The following CNNM2 variants were observed in gnomAD, a reference collection of about 807,000 sequenced individuals.
The protein encoded by CNNM2 is metal transporter CNNM2.
A neutral mutation model predicts 66.9 loss-of-function variants in CNNM2; 12 were observed. The ratio of observed to expected loss-of-function variants is 0.18; its 90% CI spans 0.11 to 0.29. CNNM2 has a LOEUF of 0.29. CNNM2 is among the 10% of genes least tolerant of loss of function. The pLI is 1.00. For missense variants in CNNM2, 705 were observed against 1,167.7 expected (o/e 0.60, Z 5.77); for synonymous variants, 557 against 501.8 (o/e 1.11, Z -1.47).
chr10:103,029,600 C>T (rs964779731), intron 1 of CNNM2, among the ~76,000 whole-genome samples: 6 of 152,132 alleles, frequency 3.9e-5, no homozygotes, highest in African/African-American at 1.4e-4. Flanking sequence ...CGGTGGCTCA[C>T]GCCTGTAATC....
intron 1 of CNNM2, among the ~76,000 whole-genome samples, chr10:103,033,527 A>G (rs1020133383): frequency 1.3e-5 from 2 of 151,870 alleles, no homozygotes; most frequent in African/African-American, 4.8e-5. Flanking sequence ...CTTCTGGTGA[A>G]GAAAAAACAT....
At chr10:102,932,295 C>A (rs1285351177) in intron 1 of CNNM2, among the ~76,000 whole-genome samples, 2 of 152,012 alleles carry the variant, frequency 1.3e-5, no homozygotes, top group East Asian at 3.8e-4. Flanking sequence ...ACCGATCCTC[C>A]AGCCTTGGCC....
chr10:103,062,407 C>T (rs1490030562), intron 4 of CNNM2, among the ~76,000 whole-genome samples: 5 of 152,136 alleles, frequency 3.3e-5, no homozygotes, highest in Admixed American at 6.5e-5. Context: ...GGTCTGTGTA[C>T]CCTAGTGCAG....
chr10:102,934,007 CTTTT>C (rs34063291), intron 1 of CNNM2, among the ~76,000 whole-genome samples: 1 of 135,244 alleles, frequency 7.4e-6, no homozygotes, highest in Non-Finnish European at 1.6e-5. Context: ...CTTATTTTAA[CTTTT>C]TTTTTTTTTT....
In CNNM2 at chr10:103,045,925, G is replaced by A. The variant is rs544708926; in HGVS notation, c.1622-3782G>A. Among the ~76,000 whole-genome samples the A allele has an allele frequency of 9.0e-4, 137 of 152,334 alleles. No individual in the cohort carries two copies. The highest frequency in any genetic ancestry group is 2.8e-3 in the African/African-American group (115 of 41,576). On this transcript the variant is annotated intron_variant, in intron 1 of 7. Transcript: ENST00000369878. ...CTCCCAAGATGCTGGGATTACAGGC[G>A]TGAGCCATTGTGCCCTGCCTGAGGT...
intron 4 of CNNM2, among the ~76,000 whole-genome samples, chr10:103,059,367 G>GA (rs1038547417): frequency 6.6e-6 from 1 of 151,988 alleles, no homozygotes; most frequent in Non-Finnish European, 1.5e-5. Context: ...CTCCCTGCAG[G>GA]AAAAAACCCT....
intron 1 of CNNM2, among the ~76,000 whole-genome samples, chr10:102,953,707 G>A (rs1022430953): frequency 6.6e-6 from 1 of 151,688 alleles, no homozygotes; most frequent in Admixed American, 6.6e-5. Context: ...CCACAGGCAC[G>A]TGCCACCATG....
intron 1 of CNNM2, among the ~76,000 whole-genome samples, chr10:103,033,739 C>T (rs1293614076): frequency 6.6e-6 from 1 of 152,164 alleles, no homozygotes; most frequent in African/African-American, 2.4e-5. Flanking sequence ...CCTGCCTCGG[C>T]CTCCCAAAGT....
chr10:102,984,657 CCTTA>C (rs368222574), intron 1 of CNNM2, among the ~76,000 whole-genome samples: 14 of 152,100 alleles, frequency 9.2e-5, no homozygotes, highest in African/African-American at 3.1e-4. Context: ...GTAATCTTGT[CCTTA>C]CTTCTATCTT....
chr10:102,927,212 T>G, intron 1 of CNNM2: 1 of 1,198,400 alleles, frequency 8.3e-7, no homozygotes, highest in Admixed American at 2.2e-5. Flanking sequence ...TTATTGACAG[T>G]AAACTTTCAA....
chr10:102,966,828 C>T (rs1345856688), intron 1 of CNNM2, among the ~76,000 whole-genome samples: 1 of 152,060 alleles, frequency 6.6e-6, no homozygotes, highest in Non-Finnish European at 1.5e-5. Context: ...GTGCAAAGCT[C>T]AGGGAAGATT....
At chr10:103,053,123 TACCTTCCAG>T (rs2065243227) in intron 2 of CNNM2, among the ~76,000 whole-genome samples, 1 of 152,256 alleles carries the variant, frequency 6.6e-6, no homozygotes, top group African/African-American at 2.4e-5. Context: ...TTGCAGGAGT[TACCTTCCAG>T]GTCAGGAACT....
rs71019655 is a variant in CNNM2, at chr10:103,087,140, A to ATTTTTTTTTTTTTTTTTTTTTT, written c.*9971_*9992dup. ...TTCTCACGGTATAAAACTCCGCAGG[A>ATTTTTTTTTTTTTTTTTTTTTT]TTTTTTTTTTTTTTTTTTTTTTTTT... On this transcript the variant is annotated 3_prime_UTR_variant, in exon 8 of 8. Coordinates refer to ENST00000369878, the MANE Select transcript of CNNM2 (RefSeq NM_017649.5). 8.0e-5 allele frequency: 6 copies of ATTTTTTTTTTTTTTTTTTTTTT among 75,380 alleles called. No homozygotes were observed. The highest frequency in any genetic ancestry group is 1.2e-4 in the African/African-American group (2 of 17,300). The allele number at this position is 75,380 out of a possible 1,614,324, so 4.7% of individuals were successfully genotyped here.
intron 1 of CNNM2, among the ~76,000 whole-genome samples, chr10:102,992,048 T>C (rs2063908122): frequency 6.6e-6 from 1 of 152,202 alleles, no homozygotes; most frequent in Non-Finnish European, 1.5e-5. Context: ...CAAATTGATA[T>C]GTACATGCTG....
chr10:103,084,874 T>C lies in CNNM2; in HGVS notation c.*7694T>C, dbSNP rs989436153. On this transcript the variant is annotated 3_prime_UTR_variant, in exon 8 of 8. Coordinates refer to ENST00000369878, the MANE Select transcript of CNNM2 (RefSeq NM_017649.5). ...TGATTTCTGGAAACTTATTTTATACTTTTTGAAGGTAATTTAAAAGAGATG... is the reference window on the plus strand; with the variant it reads ...TGATTTCTGGAAACTTATTTTATACCTTTTGAAGGTAATTTAAAAGAGATG... 8 of 152,218 alleles carry C rather than the reference T, an allele frequency of 5.3e-5. No homozygotes were observed. Among genetic ancestry groups the C allele is most frequent in the Admixed American group, 5.2e-4 (8 of 15,284 alleles). The allele number at this position is 152,218 out of a possible 1,614,324, so 9.4% of individuals were successfully genotyped here.
intron 1 of CNNM2, among the ~76,000 whole-genome samples, chr10:102,936,963 AT>A (rs1456114744): frequency 6.6e-6 from 1 of 152,180 alleles, no homozygotes; most frequent in Non-Finnish European, 1.5e-5. Flanking sequence ...GGAATATTTT[AT>A]CTATAGTGCA....
intron 6 of CNNM2, among the ~76,000 whole-genome samples, chr10:103,075,658 T>G (rs1564872784): frequency 6.6e-6 from 1 of 152,224 alleles, no homozygotes; most frequent in Non-Finnish European, 1.5e-5. Flanking sequence ...TTATTAATAT[T>G]CTCAAGAGTC....
intron 1 of CNNM2, among the ~76,000 whole-genome samples, chr10:102,986,536 A>T (rs1333905749): frequency 6.6e-6 from 1 of 152,082 alleles, no homozygotes; most frequent in East Asian, 1.9e-4. Flanking sequence ...TAATACCAGT[A>T]CTTTGGGAGG....
intron 1 of CNNM2, among the ~76,000 whole-genome samples, chr10:103,011,552 G>C (rs777751523): frequency 3.9e-5 from 6 of 151,928 alleles, no homozygotes; most frequent in Non-Finnish European, 8.8e-5. Flanking sequence ...GAAAAGCTTA[G>C]GAATTATGAT....
Sources: allele counts gnomAD v4.1 joint callset (sites outside exome capture counted in the v4.1 genomes callset), GRCh38; gene constraint gnomAD v4.1.1; transcripts MANE v1.5; gene names NCBI Gene and HGNC (gene_info 2026-07-23, HGNC 2026-07-21).